The following FAM135B variants were observed in gnomAD, a reference collection of about 807,000 sequenced individuals.
FAM135B encodes the protein family with sequence similarity 135 member B.
A neutral mutation model predicts 127.7 loss-of-function variants in FAM135B; 43 were observed. The observed-to-expected ratio is 0.34, with a 90% CI of 0.26 to 0.43. FAM135B has a LOEUF of 0.43. FAM135B is among the 20% of genes least tolerant of loss of function. FAM135B has a pLI of 1.00. For missense variants in FAM135B, 1,558 were observed against 1,725.6 expected (o/e 0.90, Z 1.72); for synonymous variants, 670 against 665.1 (o/e 1.01, Z -0.11).
chr8:138,335,379 G>A (rs4909417), intron 2 of FAM135B, among the ~76,000 whole-genome samples: 137,002 of 152,192 alleles, frequency 0.9, 62,683 homozygotes, highest in Non-Finnish European at 0.98. Flanking sequence ...TATGGCATAC[G>A]TAATTTTAAA....
chr8:138,305,287 T>G (rs1426229974), intron 3 of FAM135B, among the ~76,000 whole-genome samples: 1 of 152,236 alleles, frequency 6.6e-6, no homozygotes, highest in Non-Finnish European at 1.5e-5. Context: ...GAGCAATGAC[T>G]AGTAGATGCC....
intron 11 of FAM135B, among the ~76,000 whole-genome samples, chr8:138,171,254 C>A (rs898870808): frequency 6.6e-6 from 1 of 152,160 alleles, no homozygotes; most frequent in Non-Finnish European, 1.5e-5. Flanking sequence ...ATCCTGGTAA[C>A]AAAAATTACC....
intron 1 of FAM135B, among the ~76,000 whole-genome samples, chr8:138,485,211 C>A (rs1441241592): frequency 6.6e-6 from 1 of 152,168 alleles, no homozygotes; most frequent in Admixed American, 6.5e-5. Context: ...TTTTATGACT[C>A]ATTGTCACAC....
chr8:138,195,521 A>G (rs146369665), intron 8 of FAM135B, among the ~76,000 whole-genome samples: 1 of 152,132 alleles, frequency 6.6e-6, no homozygotes, highest in Non-Finnish European at 1.5e-5. Flanking sequence ...TGAGCACTAG[A>G]TAAAAGCCAA....
chr8:138,423,651 G>A (rs1385323112), intron 1 of FAM135B, among the ~76,000 whole-genome samples: 1 of 152,094 alleles, frequency 6.6e-6, no homozygotes, highest in Non-Finnish European at 1.5e-5. Flanking sequence ...ACAGGGCCAG[G>A]GCAAAATTAA....
At chr8:138,205,127 A>C (rs1331424782) in intron 7 of FAM135B, among the ~76,000 whole-genome samples, 2 of 152,212 alleles carry the variant, frequency 1.3e-5, no homozygotes, top group African/African-American at 4.8e-5. Context: ...GCTAACACTT[A>C]TTATTTGACT....
At chr8:138,180,093 T>A (rs535708365) in intron 9 of FAM135B, among the ~76,000 whole-genome samples, 103 of 152,266 alleles carry the variant, frequency 6.8e-4, no homozygotes, top group African/African-American at 2.4e-3. Flanking sequence ...TTTAGATAGC[T>A]ACAGTTTAAT....
chr8:138,230,937 G>T (rs1331574747), intron 7 of FAM135B, among the ~76,000 whole-genome samples: 1 of 152,046 alleles, frequency 6.6e-6, no homozygotes, highest in African/African-American at 2.4e-5. Context: ...CTGCTTTGTT[G>T]CTTGGCTCTT....
chr8:138,139,186 T>TGA (rs2130569109), intron 17 of FAM135B, 90 bp from the exon 18 acceptor site: 1 of 618,058 alleles, frequency 1.6e-6, no homozygotes, highest in Non-Finnish European at 2.7e-6. Context: ...AACGTTAAAC[T>TGA]GAATTTTAGT....
intron 15 of FAM135B, among the ~76,000 whole-genome samples, chr8:138,145,427 T>G (rs1817568252): frequency 6.6e-6 from 1 of 152,198 alleles, no homozygotes. Flanking sequence ...CAGCCTGACA[T>G]GGACCCTGCC....
rs778128508 is a variant in FAM135B at position 138,141,175 on chromosome 8, G to A, written c.3790+23C>T. ...AGGCCCCAGATTAATTCTGAGGAAT[G>A]ACGAGTCCTAGAAGAATCTTACCTG... On this transcript the variant is annotated intron_variant, in intron 17 of 19. Transcript: ENST00000395297. The surrounding 1 kb of genome is among the most constrained non-coding windows in gnomAD (Gnocchi z 4.7). 2 of 1,612,464 alleles carry A rather than the reference G, an allele frequency of 1.2e-6. No homozygotes were observed. Among genetic ancestry groups the A allele is most frequent in the Non-Finnish European group, 1.7e-6 (2 of 1,178,966 alleles).
At chr8:138,397,945 C>A (rs768565330) in intron 1 of FAM135B, among the ~76,000 whole-genome samples, 2 of 152,158 alleles carry the variant, frequency 1.3e-5, no homozygotes, top group East Asian at 1.9e-4. Context: ...CCTGACACCA[C>A]ATCTGTTCTC....
intron 2 of FAM135B, among the ~76,000 whole-genome samples, chr8:138,351,454 A>G (rs1829777737): frequency 1.3e-5 from 2 of 152,162 alleles, no homozygotes; most frequent in Non-Finnish European, 2.9e-5. Context: ...AAGCCAAGGC[A>G]CATCAGAGAT....
intron 1 of FAM135B, among the ~76,000 whole-genome samples, chr8:138,474,875 C>T (rs1193716286): frequency 6.6e-6 from 1 of 152,126 alleles, no homozygotes; most frequent in Non-Finnish European, 1.5e-5. Flanking sequence ...AGAGTAAGCA[C>T]CAGGAAGTAT....
intron 3 of FAM135B, among the ~76,000 whole-genome samples, chr8:138,308,560 C>T (rs1466055068): frequency 2.6e-5 from 4 of 152,176 alleles, no homozygotes; most frequent in African/African-American, 9.7e-5. Context: ...CAGTGTGCTA[C>T]TGTAAAGCTC....
chr8:138,224,112 C>T (rs1393643868), intron 7 of FAM135B, among the ~76,000 whole-genome samples: 1 of 152,072 alleles, frequency 6.6e-6, no homozygotes, highest in Non-Finnish European at 1.5e-5. Context: ...ATCAACTGTA[C>T]CCCAAACCTC....
At chr8:138,375,926 T>G (rs1438885998) in intron 1 of FAM135B, among the ~76,000 whole-genome samples, 1 of 152,164 alleles carries the variant, frequency 6.6e-6, no homozygotes, top group Admixed American at 6.5e-5. Context: ...TGTGGAAGAC[T>G]GTCGTCACTT....
chr8:138,206,734 C>T (rs1303308302), intron 7 of FAM135B, among the ~76,000 whole-genome samples: 1 of 149,538 alleles, frequency 6.7e-6, no homozygotes, highest in African/African-American at 2.5e-5. Flanking sequence ...TCTACCTACA[C>T]ACAACTGTAT....
At chr8:138,415,681 GT>G (rs1834104020) in intron 1 of FAM135B, among the ~76,000 whole-genome samples, 1 of 152,196 alleles carries the variant, frequency 6.6e-6, no homozygotes, top group Non-Finnish European at 1.5e-5. Flanking sequence ...AATTTAATTG[GT>G]GGAAGACAGA....
Sources: gnomAD v4.1 joint callset for allele counts (sites outside exome capture counted in the v4.1 genomes callset) on GRCh38, gnomAD v4.1.1 for gene constraint, Gnocchi (gnomAD v3.1) non-coding constraint, MANE v1.5 for transcripts, NCBI Gene and HGNC (gene_info 2026-07-23, HGNC 2026-07-21) for gene names.